The following TDP1 variants were observed in gnomAD, a reference collection of about 807,000 sequenced individuals.
The protein encoded by TDP1 is tyrosyl-DNA phosphodiesterase 1.
TDP1 carries 64 observed loss-of-function variants against 81.5 expected under a neutral mutation model. The ratio of observed to expected loss-of-function variants is 0.79; its 90% CI spans 0.64 to 0.97. The LOEUF (loss-of-function observed/expected upper bound fraction) is 0.97, where lower values mean the gene tolerates loss of function less well. Among genes scored for constraint, TDP1 ranks in the 50% least tolerant of loss-of-function variants. TDP1 has a pLI of 0.00. For missense variants in TDP1, 723 were observed against 743.8 expected, an observed-to-expected ratio of 0.97 and a Z score of 0.33; for synonymous variants, 256 against 264.3, an observed-to-expected ratio of 0.97 and a Z score of 0.30.
At chr14:90,032,971 T>C (rs557292025) in intron 15 of TDP1, 135 bp from the exon 16 acceptor site, 143 of 1,171,610 alleles carry the variant, frequency 1.2e-4, no homozygotes, top group Non-Finnish European at 1.6e-4. Flanking sequence ...CCTATGAACA[T>C]TGAAAATACC....
At chr14:90,017,854 C>G (rs887180699) in intron 14 of TDP1, among the ~76,000 whole-genome samples, 2 of 152,146 alleles carry the variant, frequency 1.3e-5, no homozygotes, top group Non-Finnish European at 2.9e-5. Flanking sequence ...CATCAGCTTC[C>G]TCTTCACTTT....
rs1298895671 is a variant in TDP1 at position 90,044,738 on chromosome 14, T to G, written c.*1595T>G. On this transcript the variant is annotated 3_prime_UTR_variant, in exon 17 of 17. Transcript: ENST00000335725. ...ATGTATTTTTGTGTGTTCTGCTTTTTTTAAATAAACTTGAAAAGCTACTGA... is the reference window on the plus strand; with the variant it reads ...ATGTATTTTTGTGTGTTCTGCTTTTGTTAAATAAACTTGAAAAGCTACTGA... 2 of 152,220 alleles carry G rather than the reference T, an allele frequency of 1.3e-5. No individual in the cohort carries two copies. Among genetic ancestry groups the G allele is most frequent in the Non-Finnish European group, 2.9e-5 (2 of 68,046 alleles). The allele number at this position is 152,220 out of a possible 1,614,324, so 9.4% of individuals were successfully genotyped here. A position where few individuals can be genotyped will look rare whatever the true frequency, so the allele number is the denominator to read the frequency against.
chr14:90,025,594 G>C (rs35875977), intron 15 of TDP1, among the ~76,000 whole-genome samples: 5,961 of 152,208 alleles, frequency 0.039, 387 homozygotes, highest in African/African-American at 0.13. Flanking sequence ...CCTAATAAAA[G>C]TTTGTTAATT....
intron 14 of TDP1, among the ~76,000 whole-genome samples, chr14:90,014,746 A>C (rs1241402491): frequency 6.6e-6 from 1 of 152,190 alleles, no homozygotes; most frequent in Non-Finnish European, 1.5e-5. Context: ...GGACTTGTAC[A>C]TCTTCTTAAA....
At chr14:90,026,405 C>G (rs376174934) in intron 15 of TDP1, among the ~76,000 whole-genome samples, 2 of 152,256 alleles carry the variant, frequency 1.3e-5, no homozygotes, top group East Asian at 1.9e-4. Flanking sequence ...TTGCATTCTA[C>G]TCCTTCCTCT....
At chr14:89,993,248 G>A in intron 13 of TDP1, 128 bp from the exon 14 acceptor site, 1 of 1,287,332 alleles carries the variant, frequency 7.8e-7, no homozygotes, top group East Asian at 2.5e-5. Flanking sequence ...AATCTCACAG[G>A]TCACAGAGTC....
intron 2 of TDP1, chr14:89,958,161 T>C (rs1891883202): frequency 6.6e-6 from 1 of 152,254 alleles, no homozygotes; most frequent in Non-Finnish European, 1.5e-5. Flanking sequence ...GCCCAAACAC[T>C]TGGAGACACC....
At chr14:89,999,529 G>A (rs1291376105) in intron 14 of TDP1, among the ~76,000 whole-genome samples, 2 of 152,046 alleles carry the variant, frequency 1.3e-5, no homozygotes, top group Admixed American at 6.6e-5. Context: ...TTACTGATCC[G>A]TATTAATGTT....
intron 7 of TDP1, among the ~76,000 whole-genome samples, chr14:89,977,515 C>T (rs1424285600): frequency 6.6e-6 from 1 of 152,178 alleles, no homozygotes. Flanking sequence ...CCAGGCTGGT[C>T]TCGAACTCCT....
At chr14:89,962,911 CTT>C (rs1213798364) in intron 2 of TDP1, 195 bp from the exon 3 acceptor site, 5 of 984,956 alleles carry the variant, frequency 5.1e-6, no homozygotes, top group Non-Finnish European at 4.8e-6. Flanking sequence ...GTGACCAGGA[CTT>C]TTGCTTGTGA....
chr14:90,011,650 G>T (rs1884721400), intron 14 of TDP1, among the ~76,000 whole-genome samples: 1 of 152,216 alleles, frequency 6.6e-6, no homozygotes, highest in South Asian at 2.1e-4. Context: ...CTGCCATAGA[G>T]ATCTGTGGAA....
chr14:89,968,704 A>G (rs1030600163), intron 5 of TDP1, among the ~76,000 whole-genome samples: 51 of 152,218 alleles, frequency 3.4e-4, no homozygotes, highest in African/African-American at 1.0e-3. Context: ...TCGCAGTAGT[A>G]TCCTTGGGTG....
chr14:89,969,872 A>ATTT (rs1566852774), intron 5 of TDP1, among the ~76,000 whole-genome samples: 1 of 79,452 alleles, frequency 1.3e-5, no homozygotes, highest in African/African-American at 4.8e-5. Flanking sequence ...AAATATACTT[A>ATTT]TTTCTTTTTT....
chr14:89,971,448 T>C (rs999350073), intron 6 of TDP1, among the ~76,000 whole-genome samples, 177 bp downstream of exon 6: 1 of 152,224 alleles, frequency 6.6e-6, no homozygotes, highest in Non-Finnish European at 1.5e-5. Flanking sequence ...TTCATAGTAC[T>C]CCTCAGGGTT....
intron 14 of TDP1, among the ~76,000 whole-genome samples, chr14:90,006,062 G>A (rs887277408): frequency 1.4e-4 from 22 of 152,156 alleles, no homozygotes; most frequent in African/African-American, 5.3e-4. Flanking sequence ...GTCCAACATG[G>A]CTATGAAAGA....
chr14:89,973,498 A>G (rs936151258), intron 6 of TDP1, among the ~76,000 whole-genome samples: 2 of 152,228 alleles, frequency 1.3e-5, no homozygotes, highest in African/African-American at 4.8e-5. Flanking sequence ...GCTGACGTAC[A>G]GGATTGTGTC....
rs1437034039 is a variant in TDP1 at position 89,966,168 on chromosome 14, G to T, written c.581G>T (p.Gly194Val). The T allele has an allele frequency of 6.2e-7, 1 of 1,606,932 alleles. No individual in the cohort carries two copies. Among genetic ancestry groups the T allele is most frequent in the Non-Finnish European group, 8.5e-7 (1 of 1,173,722 alleles). Residue 194 changes from glycine to valine, a missense_variant, in exon 4 of 17, where the codon GGG becomes GTG. Transcript: ENST00000335725. ...HIKDILSPLF[G>V]TLVSSAQFNY... The stretch of plus-strand genomic sequence containing the variant: ...TCAGATATTTTATCTCCTTTATTTG[G>T]GACGCTTGTTTCTTCAGCTCAGGTG...
chr14:89,980,639 A>G lies in TDP1; in HGVS notation c.884+7A>G. The G allele has an allele frequency of 1.2e-6, 2 of 1,611,858 alleles. No homozygotes were observed. Among genetic ancestry groups the G allele is most frequent in the Non-Finnish European group, 1.7e-6 (2 of 1,177,922 alleles). The stretch of plus-strand genomic sequence containing the variant: ...GGCACCAGAAAACTCAAGGGTTCGT[A>G]GGGGCCTGCTCACTTCCTGGCAGTG... On this transcript the variant is annotated splice_region_variant and intron_variant, in intron 8 of 16. Transcript: ENST00000335725.
At chr14:89,993,079 A>G (rs1374516511) in intron 13 of TDP1, 1 of 893,694 alleles carries the variant, frequency 1.1e-6, no homozygotes, top group Non-Finnish European at 1.3e-6. Flanking sequence ...ATATACACAC[A>G]TGCTGTTAAA....
Sources: gnomAD v4.1 joint callset for allele counts (sites outside exome capture counted in the v4.1 genomes callset) on GRCh38, gnomAD v4.1.1 for gene constraint, MANE v1.5 for transcripts, NCBI Gene and HGNC (gene_info 2026-07-23, HGNC 2026-07-21) for gene names.